ANKRD6: variants seen among roughly 807,000 people sequenced by gnomAD.
The protein encoded by ANKRD6 is ankyrin repeat domain-containing protein 6.
Under a neutral mutation model 82.3 loss-of-function variants are expected in ANKRD6, and 56 were observed. The observed-to-expected ratio is 0.68, with a 90% CI of 0.55 to 0.85. The LOEUF (loss-of-function observed/expected upper bound fraction) is 0.85, where lower values mean the gene tolerates loss of function less well. Among genes scored for constraint, ANKRD6 ranks in the 40% least tolerant of loss-of-function variants. The probability of loss-of-function intolerance (pLI) is 0.00; values close to 1 mark genes in which losing one functional copy is unlikely to be tolerated. For synonymous variants in ANKRD6, 347 were observed against 352.1 expected (o/e 0.99, Z 0.16); for missense variants, 852 against 907.6 (o/e 0.94, Z 0.79).
rs1036757496 is a variant in ANKRD6, at chr6:89,433,417, A to T, written c.-144+42A>T. ...CCGGCTCCCTGGGACCCCCGCTTAC[A>T]CCGGGGTGGGCGCCTCAGGTCGGGG... On this transcript the variant is annotated intron_variant, in intron 1 of 15. Coordinates refer to ENST00000339746, the MANE Select transcript of ANKRD6 (RefSeq NM_001242809.2). The surrounding 1 kb of genome is among the most constrained non-coding windows in gnomAD (Gnocchi z 4.3). The T allele has an allele frequency of 6.6e-6, 1 of 152,066 alleles. No homozygotes were observed. The highest frequency in any genetic ancestry group is 1.5e-5 in the Non-Finnish European group (1 of 68,004). The allele number at this position is 152,066 out of a possible 1,614,324, so 9.4% of individuals were successfully genotyped here.
intron 13 of ANKRD6, 64 bp downstream of exon 13, chr6:89,624,755 A>C: frequency 6.5e-6 from 10 of 1,537,812 alleles, no homozygotes; most frequent in Non-Finnish European, 8.8e-6. Flanking sequence ...CTCAGGAACC[A>C]ACTTCGACTT....
At chr6:89,528,898 C>T (rs925030546) in intron 1 of ANKRD6, among the ~76,000 whole-genome samples, 1 of 152,194 alleles carries the variant, frequency 6.6e-6, no homozygotes, top group African/African-American at 2.4e-5. Context: ...GTTATCTGAG[C>T]AGTAGGTCTC....
intron 9 of ANKRD6, 133 bp from the exon 10 acceptor site, chr6:89,621,789 C>T (rs562366448): frequency 2.3e-6 from 2 of 851,480 alleles, no homozygotes; most frequent in South Asian, 3.0e-5. Flanking sequence ...GAGGTGCTTG[C>T]TTGATGTGAA....
intron 1 of ANKRD6, among the ~76,000 whole-genome samples, chr6:89,455,015 T>G (rs866031766): frequency 6.6e-6 from 1 of 152,048 alleles, no homozygotes; most frequent in Non-Finnish European, 1.5e-5. Context: ...TAATTTTTTT[T>G]GTATTTTTAG....
At chr6:89,483,757 CAGAG>C (rs372862423) in intron 1 of ANKRD6, among the ~76,000 whole-genome samples, 23 of 152,106 alleles carry the variant, frequency 1.5e-4, no homozygotes, top group Non-Finnish European at 2.6e-4. Context: ...AGGAGAGAAA[CAGAG>C]AGATATATTT....
intron 9 of ANKRD6, 26 bp downstream of exon 9, chr6:89,618,057 T>C: frequency 2.5e-6 from 4 of 1,611,616 alleles, no homozygotes; most frequent in Non-Finnish European, 3.4e-6. Flanking sequence ...CTTTCCATGG[T>C]ACTGATTATG....
At chr6:89,587,047 G>A (rs1296042145) in intron 2 of ANKRD6, among the ~76,000 whole-genome samples, 5 of 151,912 alleles carry the variant, frequency 3.3e-5, no homozygotes, top group South Asian at 4.2e-4. Context: ...AAAAACTAGC[G>A]GGGCATGGTG....
intron 1 of ANKRD6, among the ~76,000 whole-genome samples, chr6:89,466,573 G>A (rs956330761): frequency 6.6e-6 from 1 of 152,038 alleles, no homozygotes; most frequent in Non-Finnish European, 1.5e-5. Context: ...TATTTTGTAC[G>A]TTTTTAGCCT....
chr6:89,498,088 G>C (rs1243918613), intron 1 of ANKRD6, among the ~76,000 whole-genome samples: 1 of 152,122 alleles, frequency 6.6e-6, no homozygotes, highest in Non-Finnish European at 1.5e-5. Context: ...ACAAAACTTT[G>C]AATTGTGGCA....
intron 8 of ANKRD6, among the ~76,000 whole-genome samples, chr6:89,617,397 A>G (rs1218897171): frequency 2.0e-5 from 3 of 152,144 alleles, no homozygotes; most frequent in African/African-American, 7.2e-5. Context: ...TCCTTTTGCT[A>G]TCAACTCCTG....
chr6:89,545,241 AG>A (rs2128016448), intron 1 of ANKRD6, among the ~76,000 whole-genome samples: 1 of 151,698 alleles, frequency 6.6e-6, no homozygotes, highest in Non-Finnish European at 1.5e-5. Context: ...GAAAAGAAAA[AG>A]GGCTGTTTCT....
intron 1 of ANKRD6, among the ~76,000 whole-genome samples, chr6:89,549,587 C>T (rs1785543040): frequency 6.6e-6 from 1 of 152,188 alleles, no homozygotes; most frequent in Admixed American, 6.5e-5. Flanking sequence ...GACAACCTCC[C>T]ATGCATTCAG....
chr6:89,630,578 C>T lies in ANKRD6; in HGVS notation c.1758C>T (p.Ser586=). Residue 586 remains serine (S), a synonymous_variant, in exon 16 of 16, where the codon TCC becomes TCT. Transcript: ENST00000339746. ...QELSSSDCTG[S]RLRNVKVQTA... is the part of the protein sequence containing the mutation. ...TGTCGTCTTCTGACTGTACAGGCTCCCGACTGAGAAACGTCAAGGTCCAGA... is the reference window on the plus strand; with the variant it reads ...TGTCGTCTTCTGACTGTACAGGCTCTCGACTGAGAAACGTCAAGGTCCAGA... 1 of 1,613,896 alleles carries T rather than the reference C, an allele frequency of 6.2e-7. No individual in the cohort carries two copies. The highest frequency in any genetic ancestry group is 8.5e-7 in the Non-Finnish European group (1 of 1,179,816).
chr6:89,582,380 G>A (rs923100350), intron 2 of ANKRD6, among the ~76,000 whole-genome samples: 48 of 151,858 alleles, frequency 3.2e-4, no homozygotes, highest in African/African-American at 1.1e-3. Flanking sequence ...TTGTGGAGAC[G>A]GGGTCTTGCC....
chr6:89,530,621 T>C (rs1485294800), intron 1 of ANKRD6, among the ~76,000 whole-genome samples: 1 of 152,188 alleles, frequency 6.6e-6, no homozygotes, highest in African/African-American at 2.4e-5. Flanking sequence ...TTTTGTGCAG[T>C]GCCCAGACAG....
chr6:89,438,531 A>G (rs1190168887), intron 1 of ANKRD6, among the ~76,000 whole-genome samples: 2 of 152,226 alleles, frequency 1.3e-5, no homozygotes, highest in East Asian at 1.9e-4. Context: ...AGTAAAAATA[A>G]TTTACTTTGG....
chr6:89,533,069 G>T (rs1005989057), intron 1 of ANKRD6, among the ~76,000 whole-genome samples: 14 of 151,956 alleles, frequency 9.2e-5, no homozygotes, highest in African/African-American at 3.4e-4. Context: ...TAGAGACGGG[G>T]TTTCACCATG....
At chr6:89,473,656 A>C (rs1316663994) in intron 1 of ANKRD6, among the ~76,000 whole-genome samples, 2 of 152,194 alleles carry the variant, frequency 1.3e-5, no homozygotes, top group Non-Finnish European at 2.9e-5. Flanking sequence ...CTGTTAGTCC[A>C]GTTAATGGTG....
intron 1 of ANKRD6, among the ~76,000 whole-genome samples, chr6:89,443,462 G>A (rs1771681144): frequency 6.6e-6 from 1 of 152,028 alleles, no homozygotes; most frequent in Admixed American, 6.6e-5. Context: ...GTGACCTGTG[G>A]TCCACAAATT....
Sources: gnomAD v4.1 joint callset for allele counts (sites outside exome capture counted in the v4.1 genomes callset) on GRCh38, gnomAD v4.1.1 for gene constraint, Gnocchi (gnomAD v3.1) non-coding constraint, MANE v1.5 for transcripts, NCBI Gene and HGNC (gene_info 2026-07-23, HGNC 2026-07-21) for gene names.